Variants in HSPD1 observed in about 807,000 individuals in gnomAD.
HSPD1 encodes 60 kDa heat shock protein, mitochondrial.
Under a neutral mutation model 53.0 loss-of-function variants are expected in HSPD1, and 3 were observed. The ratio of observed to expected loss-of-function variants is 0.06; its 90% CI spans 0.03 to 0.15. The LOEUF (loss-of-function observed/expected upper bound fraction) is 0.15. Among genes scored for constraint, HSPD1 ranks in the 10% least tolerant of loss-of-function variants. The probability of loss-of-function intolerance (pLI) is 1.00; values close to 1 mark genes in which losing one functional copy is unlikely to be tolerated. For synonymous variants in HSPD1, 200 were observed against 228.0 expected (o/e 0.88, Z 1.10); for missense variants, 431 against 694.1 (o/e 0.62, Z 4.26).
intron 2 of HSPD1, chr2:197,497,598 C>G: frequency 1.7e-6 from 1 of 599,340 alleles, no homozygotes; most frequent in East Asian, 2.8e-5. Context: ...CTGCCAAGAG[C>G]ATAATTTTGA....
intron 7 of HSPD1, among the ~76,000 whole-genome samples, chr2:197,491,130 A>T (rs1299248600): frequency 6.6e-6 from 1 of 151,938 alleles, no homozygotes. Context: ...TAGCAGTAAA[A>T]TGGCTTAATG....
intron 7 of HSPD1, among the ~76,000 whole-genome samples, chr2:197,492,436 C>T (rs552541426): frequency 1.1e-3 from 165 of 152,190 alleles, no homozygotes; most frequent in African/African-American, 3.6e-3. Flanking sequence ...GTGATCCACC[C>T]GCCTGTGCCT....
At chr2:197,490,387 TC>T (rs2086076202) in intron 7 of HSPD1, 91 bp from the exon 8 acceptor site, 18 of 954,698 alleles carry the variant, frequency 1.9e-5, no homozygotes, top group Non-Finnish European at 2.8e-5. Context: ...TACTTAGGAC[TC>T]CCTAAGTAAT....
Position 197,486,916 on chromosome 2 carries a change from G to A in HSPD1, c.*130C>T. ...TGTCAACTGAAACCAGTAACTGATG[G>A]TTATAGTGATTTTCAGCCAGCCTTT... On this transcript the variant is annotated 3_prime_UTR_variant, in exon 12 of 12. Coordinates refer to ENST00000388968, the MANE Select transcript of HSPD1 (RefSeq NM_002156.5). The A allele has an allele frequency of 1.3e-6, 1 of 795,426 alleles. No individual in the cohort carries two copies. The highest frequency in any genetic ancestry group is 2.2e-6 in the Non-Finnish European group (1 of 445,256). The allele number at this position is 795,426 out of a possible 1,614,324, so 49.3% of individuals were successfully genotyped here. A position where few individuals can be genotyped will look rare whatever the true frequency, so the allele number is the denominator to read the frequency against.
upstream of HSPD1, chr2:197,499,990 C>G (rs553287323): frequency 7.5e-5 from 12 of 160,938 alleles, no homozygotes; most frequent in South Asian, 1.9e-3. Context: ...GAGCCCCGCC[C>G]CTCCCTACCC....
Position 197,493,225 on chromosome 2 carries a change from CA to C in HSPD1, c.869+98del, listed in dbSNP as rs1177685499. On this transcript the variant is annotated intron_variant, in intron 7 of 11. Transcript: ENST00000388968. ...ATTCTAGATACAAACCCAACTGGAT[CA>C]AATGTGGAGGTACACATGATGGAAA... 3.0e-6 allele frequency: 3 copies of C among 999,042 alleles called. No homozygotes were observed. The African/African-American group carries it at 4.8e-5, about 16-fold the overall frequency. 61.9% of individuals were successfully genotyped at this position (999,042 alleles called of 1,614,324 possible).
chr2:197,493,294 T>C (rs537292826), intron 7 of HSPD1, 30 bp downstream of exon 7: 62 of 1,586,070 alleles, frequency 3.9e-5, no homozygotes, highest in Non-Finnish European at 5.0e-5. Context: ...CACCGAGAAA[T>C]ATAAATCAAC....
At chr2:197,497,448 TA>T in intron 2 of HSPD1, 56 bp from the exon 3 acceptor site, 1 of 1,566,344 alleles carries the variant, frequency 6.4e-7, no homozygotes, top group Non-Finnish European at 8.8e-7. Flanking sequence ...TTTACATTTT[TA>T]AAAATGAGCA....
chr2:197,495,427 A>T, intron 3 of HSPD1, 51 bp from the exon 4 acceptor site: 1 of 1,149,498 alleles, frequency 8.7e-7, no homozygotes, highest in Non-Finnish European at 1.3e-6. Context: ...CATGGCTTCT[A>T]TGTCAAGTAG....
intron 3 of HSPD1, among the ~76,000 whole-genome samples, chr2:197,495,893 A>C (rs1417822433): frequency 6.6e-6 from 1 of 152,200 alleles, no homozygotes; most frequent in Non-Finnish European, 1.5e-5. Flanking sequence ...AAAATTTTGA[A>C]AATAGGACTA....
At chr2:197,495,183 TTGA>T in intron 4 of HSPD1, 108 bp downstream of exon 4, 1 of 704,744 alleles carries the variant, frequency 1.4e-6, no homozygotes, top group Admixed American at 2.1e-5. Context: ...GATTCTAATA[TTGA>T]TGATTGGGTA....
upstream of HSPD1, chr2:197,500,110 G>T (rs572474963): frequency 1.5e-4 from 68 of 441,604 alleles, no homozygotes; most frequent in African/African-American, 1.2e-3. Flanking sequence ...TACGGCTCAA[G>T]GGTCAAATCG....
Position 197,497,219 on chromosome 2 carries a change from A to T in HSPD1, c.348T>A (p.Ala116=), listed in dbSNP as rs2086169678. The change falls in exon 3 of 12, where the codon GCT becomes GCA. Residue 116 remains alanine (A), a synonymous_variant. Transcript: ENST00000388968. ...NEEAGDGTTT[A]TVLARSIAKE... ...TGGCTATAGAGCGTGCCAGTACAGT[A>T]GCAGTGGTAGTGCCATCCCCAGCTT... The T allele has an allele frequency of 1.2e-6, 2 of 1,613,860 alleles. No homozygotes were observed. Among genetic ancestry groups the T allele is most frequent in the African/African-American group, 2.7e-5 (2 of 75,058 alleles).
intron 8 of HSPD1, 64 bp downstream of exon 8, chr2:197,490,133 C>T (rs1320403004): frequency 8.8e-7 from 1 of 1,142,760 alleles, no homozygotes; most frequent in Non-Finnish European, 1.3e-6. Flanking sequence ...AAATGTTAAA[C>T]TATCTATAAA....
At chr2:197,494,832 C>A in intron 4 of HSPD1, 80 bp from the exon 5 acceptor site, 3 of 920,030 alleles carry the variant, frequency 3.3e-6, no homozygotes, top group Non-Finnish European at 5.4e-6. Flanking sequence ...TTCCTAGTAA[C>A]TTCCAAATTG....
chr2:197,493,539 A>C (rs768601483), intron 6 of HSPD1, 47 bp from the exon 7 acceptor site: 1 of 1,374,008 alleles, frequency 7.3e-7, no homozygotes, highest in South Asian at 1.2e-5. Context: ...AATGACTGCA[A>C]TACATTTAAA....
At chr2:197,493,583 A>C (rs1204962312) in intron 6 of HSPD1, 91 bp from the exon 7 acceptor site, 2 of 916,190 alleles carry the variant, frequency 2.2e-6, no homozygotes, top group Non-Finnish European at 3.5e-6. Flanking sequence ...ATACACTTTA[A>C]AATTCACCAG....
chr2:197,491,094 G>A (rs929152189), intron 7 of HSPD1, among the ~76,000 whole-genome samples: 4 of 151,928 alleles, frequency 2.6e-5, no homozygotes, highest in African/African-American at 7.3e-5. Flanking sequence ...TATATGCTAT[G>A]TAAACTGGAT....
Position 197,493,468 on chromosome 2 carries a change from G to A in HSPD1, c.725C>T (p.Ala242Val), listed in dbSNP as rs1333217722. The A allele has an allele frequency of 6.2e-7, 1 of 1,611,958 alleles. No homozygotes were observed. The highest frequency in any genetic ancestry group is 8.5e-7 in the Non-Finnish European group (1 of 1,178,090). ...TTTCTTTTCACTCAACAGAACATAG[G>A]CATCCTGGAATTCACATTTCTGACC... Reference protein sequence around the residue: ...SKGQKCEFQDAYVLLSEKKIS... With the variant: ...SKGQKCEFQDVYVLLSEKKIS... The change falls in exon 7 of 12, where the codon GCC becomes GTC. Residue 242 changes from alanine to valine, a missense_variant. This residue lies in a region of HSPD1 where 386 missense variants were observed against 657.6 expected (regional missense o/e 0.59). Coordinates refer to ENST00000388968, the MANE Select transcript of HSPD1 (RefSeq NM_002156.5).
Sources: gnomAD v4.1 joint callset for allele counts (sites outside exome capture counted in the v4.1 genomes callset) on GRCh38, gnomAD v4.1.1 for gene constraint, gnomAD v4.1.1 regional missense constraint, MANE v1.5 for transcripts, NCBI Gene and HGNC (gene_info 2026-07-23, HGNC 2026-07-21) for gene names.